Variants in FAM107B observed in about 807,000 individuals in gnomAD.
FAM107B encodes the protein protein FAM107B.
In FAM107B, 21 loss-of-function variants were observed where a neutral mutation model predicts 31.5. The observed-to-expected ratio is 0.67, with a 90% CI of 0.47 to 0.96. The LOEUF (loss-of-function observed/expected upper bound fraction) is 0.96, where lower values mean the gene tolerates loss of function less well. FAM107B is among the 40% of genes least tolerant of loss of function. FAM107B has a pLI of 0.00. For missense variants in FAM107B, 452 were observed against 377.1 expected, an observed-to-expected ratio of 1.20 and a Z score of -1.64; for synonymous variants, 157 against 141.5, an observed-to-expected ratio of 1.11 and a Z score of -0.78.
intron 2 of FAM107B, among the ~76,000 whole-genome samples, chr10:14,632,970 G>A (rs1853406148): frequency 1.3e-5 from 2 of 152,100 alleles, no homozygotes; most frequent in Non-Finnish European, 2.9e-5. Flanking sequence ...AAGCCAAGGC[G>A]GGCAGATCAC....
chr10:14,722,246 A>C (rs1235951161), intron 1 of FAM107B, among the ~76,000 whole-genome samples: 2 of 152,136 alleles, frequency 1.3e-5, no homozygotes, highest in Non-Finnish European at 2.9e-5. Context: ...TTCTATCCCT[A>C]TAGGTTTGCC....
chr10:14,579,490 C>A (rs1851565805), intron 2 of FAM107B, among the ~76,000 whole-genome samples: 1 of 152,244 alleles, frequency 6.6e-6, no homozygotes, highest in African/African-American at 2.4e-5. Context: ...CATCTCAAAA[C>A]CGTTCCTACC....
intron 1 of FAM107B, among the ~76,000 whole-genome samples, chr10:14,702,516 T>C (rs559456710): frequency 6.6e-6 from 1 of 152,230 alleles, no homozygotes; most frequent in East Asian, 1.9e-4. Context: ...CCAAATACTT[T>C]TTTTGTATTT....
chr10:14,760,660 A>G (rs374886856), intron 1 of FAM107B, among the ~76,000 whole-genome samples: 1 of 152,006 alleles, frequency 6.6e-6, no homozygotes, highest in African/African-American at 2.4e-5. Context: ...TATGCAGAGA[A>G]CTCAATATCT....
chr10:14,637,114 C>G (rs1447815722), intron 2 of FAM107B, among the ~76,000 whole-genome samples: 1 of 152,142 alleles, frequency 6.6e-6, no homozygotes, highest in Non-Finnish European at 1.5e-5. Context: ...CATGCAGAGA[C>G]AAACAAGCTT....
Position 14,519,829 on chromosome 10 carries a change from C to G in FAM107B, c.*1361G>C, listed in dbSNP as rs997379238. 6 of 152,428 alleles carry G rather than the reference C, an allele frequency of 3.9e-5. No homozygotes were observed. The highest frequency in any genetic ancestry group is 9.6e-5 in the African/African-American group (4 of 41,468). The allele number at this position is 152,428 out of a possible 1,614,324, so 9.4% of individuals were successfully genotyped here. On this transcript the variant is annotated 3_prime_UTR_variant, in exon 5 of 5. Coordinates refer to ENST00000181796, the MANE Select transcript of FAM107B (RefSeq NM_031453.4). ...GGCTGAACTGTCTCTACGGAGCATA[C>G]TAAATCCTCAACAATTCTTCGGTAT...
intron 2 of FAM107B, among the ~76,000 whole-genome samples, chr10:14,558,305 G>A (rs924296246): frequency 4.0e-5 from 6 of 150,732 alleles, no homozygotes; most frequent in East Asian, 1.9e-4. Flanking sequence ...ACGCACACAC[G>A]CACACACACT....
chr10:14,648,002 A>G (rs1371560983), intron 2 of FAM107B, among the ~76,000 whole-genome samples: 2 of 146,088 alleles, frequency 1.4e-5, no homozygotes, highest in African/African-American at 2.6e-5. Flanking sequence ...TTTTTAGCGG[A>G]AAAAAAAAAA....
rs541340375 is a variant in FAM107B, at chr10:14,628,188, G to A, written c.469+39446C>T. Among the ~76,000 whole-genome samples, 8 of 142,604 alleles carry A rather than the reference G, an allele frequency of 5.6e-5. No individual in the cohort carries two copies. In the East Asian group the frequency reaches 1.6e-3, roughly 28 times the overall value. 93.6% of individuals were successfully genotyped at this position (142,604 alleles called of 152,430 possible). The stretch of plus-strand genomic sequence containing the variant: ...CTGGAGTGCAGTGGCGCGATCTCAG[G>A]TCACTGCAACCTCCCCCTCCTGGGT... On this transcript the variant is annotated intron_variant, in intron 2 of 4. Coordinates refer to ENST00000181796, the MANE Select transcript of FAM107B (RefSeq NM_031453.4).
chr10:14,651,635 T>C lies in FAM107B; in HGVS notation c.469+15999A>G, dbSNP rs183755826. Among the ~76,000 whole-genome samples, 8 of 152,190 alleles carry C rather than the reference T, an allele frequency of 5.3e-5. No individual in the cohort carries two copies. In the East Asian group the frequency reaches 1.5e-3, roughly 29 times the overall value. On this transcript the variant is annotated intron_variant, in intron 2 of 4. Transcript: ENST00000181796. ...AAAACAAAACAGATATATCCACACA[T>C]AACCGTAAATTATGAGCCATAAGAA...
chr10:14,530,638 G>T, intron 2 of FAM107B, 123 bp from the exon 3 acceptor site: 2 of 858,596 alleles, frequency 2.3e-6, no homozygotes, highest in Non-Finnish European at 3.6e-6. Flanking sequence ...GTCCACTCTG[G>T]GGCATCGCTG....
Position 14,608,958 on chromosome 10 carries a change from A to G in FAM107B, c.469+58676T>C, listed in dbSNP as rs142142722. On this transcript the variant is annotated intron_variant, in intron 2 of 4. Coordinates refer to ENST00000181796, the MANE Select transcript of FAM107B (RefSeq NM_031453.4). ...GGTGCTAACAATAGTCTCAAGGGAAATCTTTCTGATGATAAGACAAAAGCA... is the reference window on the plus strand; with the variant it reads ...GGTGCTAACAATAGTCTCAAGGGAAGTCTTTCTGATGATAAGACAAAAGCA... Among the ~76,000 whole-genome samples, 136 of 152,312 alleles carry G rather than the reference A, an allele frequency of 8.9e-4. 1 individual carries two copies. Among genetic ancestry groups the G allele is most frequent in the Non-Finnish European group, 1.7e-3 (117 of 68,026 alleles).
chr10:14,625,499 G>A (rs1461469170), intron 2 of FAM107B, among the ~76,000 whole-genome samples: 2 of 152,172 alleles, frequency 1.3e-5, no homozygotes, highest in Non-Finnish European at 2.9e-5. Context: ...GAGTACAACT[G>A]TCCTGGCTGC....
chr10:14,595,249 A>G (rs1382082009), intron 2 of FAM107B, among the ~76,000 whole-genome samples: 1 of 152,164 alleles, frequency 6.6e-6, no homozygotes, highest in Non-Finnish European at 1.5e-5. Flanking sequence ...AAGCTATGCT[A>G]ACAACAAAAC....
intron 1 of FAM107B, among the ~76,000 whole-genome samples, chr10:14,686,951 G>A (rs1260708001): frequency 6.6e-6 from 1 of 152,202 alleles, no homozygotes; most frequent in South Asian, 2.1e-4. Flanking sequence ...GAATATAATT[G>A]TGCAAGCTTA....
intron 2 of FAM107B, among the ~76,000 whole-genome samples, chr10:14,617,908 C>A (rs1264517898): frequency 1.3e-5 from 2 of 152,144 alleles, no homozygotes; most frequent in African/African-American, 4.8e-5. Context: ...AGGCGTGAAG[C>A]ACCAAACCCA....
In FAM107B at chr10:14,774,266, A is replaced by G. The variant is rs140452961; in HGVS notation, c.398T>C (p.Ile133Thr). The change falls in exon 1 of 5, where the codon ATT (isoleucine) becomes ACT (threonine). Residue 133 changes from isoleucine (I) to threonine (T), a missense_variant. Physicochemically the swap from Ile to Thr is moderately conservative, Grantham distance 89. Coordinates refer to ENST00000181796, the MANE Select transcript of FAM107B (RefSeq NM_031453.4). ...FHASIPRPSI[I>T]DTPKEEEFRE... ...ACACTCACTCACCTTGGGCGTGTCAATAATTGATGGTCTGGGGATGGAAGC... is the reference window on the plus strand; with the variant it reads ...ACACTCACTCACCTTGGGCGTGTCAGTAATTGATGGTCTGGGGATGGAAGC... 2.5e-6 allele frequency: 4 copies of G among 1,610,416 alleles called. No individual in the cohort carries two copies. In the African/African-American group the frequency reaches 4.0e-5, roughly 16 times the overall value.
At chr10:14,576,743 T>C (rs117123986) in intron 2 of FAM107B, among the ~76,000 whole-genome samples, 3,136 of 152,272 alleles carry the variant, frequency 0.021, 54 homozygotes, top group Middle Eastern at 0.031. Flanking sequence ...AAAACAGGAA[T>C]AAGGCTACTT....
At chr10:14,769,673 A>G (rs1025590487) in intron 1 of FAM107B, among the ~76,000 whole-genome samples, 2 of 152,180 alleles carry the variant, frequency 1.3e-5, no homozygotes, top group Non-Finnish European at 2.9e-5. Flanking sequence ...GGCGTGAGCC[A>G]CCGCGCCCGG....
Sources: allele counts gnomAD v4.1 joint callset (sites outside exome capture counted in the v4.1 genomes callset), GRCh38; gene constraint gnomAD v4.1.1; transcripts MANE v1.5; gene names NCBI Gene and HGNC (gene_info 2026-07-23, HGNC 2026-07-21).